TMEM184C: variants seen among roughly 807,000 people sequenced by gnomAD.
TMEM184C encodes transmembrane protein 184C, also known as transmembrane protein 34.
In TMEM184C, 25 loss-of-function variants were observed where a neutral mutation model predicts 54.5. That is an observed-to-expected ratio of 0.46 (90% CI 0.33 to 0.64). The LOEUF (loss-of-function observed/expected upper bound fraction) is 0.64. TMEM184C is among the 30% of genes least tolerant of loss of function. The pLI is 0.02. For synonymous variants in TMEM184C, 148 were observed against 181.5 expected (o/e 0.82, Z 1.49); for missense variants, 335 against 520.3 (o/e 0.64, Z 3.46).
intron 3 of TMEM184C, 82 bp from the exon 4 acceptor site, chr4:147,624,722 G>A (rs1732780523): frequency 3.8e-6 from 5 of 1,322,044 alleles, no homozygotes; most frequent in Non-Finnish European, 4.2e-6. Context: ...ATAAAAATTA[G>A]CTTATTGTGA....
intron 4 of TMEM184C, 53 bp from the exon 5 acceptor site, chr4:147,628,308 T>A (rs1346877142): frequency 7.0e-7 from 1 of 1,427,822 alleles, no homozygotes. Context: ...TTGGGGAAAA[T>A]CTGATGCTAT....
rs371759985 is a variant in TMEM184C at position 147,634,235 on chromosome 4, C to A, written c.1118C>A (p.Thr373Lys). The A allele has an allele frequency of 6.2e-7, 1 of 1,614,090 alleles. No homozygotes were observed. Among genetic ancestry groups the A allele is most frequent in the South Asian group, 1.1e-5 (1 of 91,080 alleles). ...GAGGATCAAGATCAAAATGAACATA[C>A]AAGTTTATTATCATCATCATCACAA... ...FPEDQDQNEH[T>K]SLLSSSSQDA... The change falls in exon 10 of 10, where the codon ACA becomes AAA. Residue 373 changes from threonine (T) to lysine (K), a missense_variant. Thr to Lys is a moderately conservative substitution (Grantham distance 78). Coordinates refer to ENST00000296582, the MANE Select transcript of TMEM184C (RefSeq NM_018241.3).
chr4:147,626,026 A>T (rs1387038230), intron 4 of TMEM184C, among the ~76,000 whole-genome samples: 2 of 152,064 alleles, frequency 1.3e-5, no homozygotes, highest in Non-Finnish European at 2.9e-5. Flanking sequence ...ATACTGAGTC[A>T]GTTCCTGGGT....
Position 147,634,192 on chromosome 4 carries a change from A to G in TMEM184C, c.1075A>G (p.Arg359Gly), listed in dbSNP as rs1224810079. 1.2e-6 allele frequency: 2 copies of G among 1,613,902 alleles called. No homozygotes were observed. Among genetic ancestry groups the G allele is most frequent in the East Asian group, 4.5e-5 (2 of 44,868 alleles). ...AGGACGGACAGTCAGGGGACATCCCAGGAAAAAATTGTTTCCCGAGGATCA... is the reference window on the plus strand; with the variant it reads ...AGGACGGACAGTCAGGGGACATCCCGGGAAAAAATTGTTTCCCGAGGATCA... ...HVGRTVRGHP[R>G]KKLFPEDQDQ... Residue 359 changes from arginine (R) to glycine (G), a missense_variant, in exon 10 of 10, where the codon AGG (arginine) becomes GGG (glycine). Coordinates refer to ENST00000296582, the MANE Select transcript of TMEM184C (RefSeq NM_018241.3).
rs1183591825 is a variant in TMEM184C at position 147,635,230 on chromosome 4, A to C, written c.*796A>C. 2.0e-5 allele frequency: 3 copies of C among 152,176 alleles called. No homozygotes were observed. Among genetic ancestry groups the C allele is most frequent in the Non-Finnish European group, 4.4e-5 (3 of 68,024 alleles). The allele number at this position is 152,176 out of a possible 1,614,324, so 9.4% of individuals were successfully genotyped here. A position where few individuals can be genotyped will look rare whatever the true frequency, so the allele number is the denominator to read the frequency against. Reference sequence around the variant, plus strand: ...TAAGAATTTATCATTTATTTTCTGCAACTTTTTTATGTCTCATTCTTTAAA... The same window carrying C: ...TAAGAATTTATCATTTATTTTCTGCCACTTTTTTATGTCTCATTCTTTAAA... On this transcript the variant is annotated 3_prime_UTR_variant, in exon 10 of 10. Coordinates refer to ENST00000296582, the MANE Select transcript of TMEM184C (RefSeq NM_018241.3).
At chr4:147,632,553 T>C (rs1251292700) in intron 7 of TMEM184C, 2 of 185,384 alleles carry the variant, frequency 1.1e-5, no homozygotes, top group African/African-American at 4.7e-5. Flanking sequence ...AGGTTGTTCC[T>C]AATTTTTTTA....
chr4:147,635,870 A>AAATT lies in TMEM184C; in HGVS notation c.*1439_*1442dup, dbSNP rs1198899136. The AAATT allele has an allele frequency of 3.3e-5, 5 of 152,162 alleles. No individual in the cohort carries two copies. Among genetic ancestry groups the AAATT allele is most frequent in the Non-Finnish European group, 4.4e-5 (3 of 68,018 alleles). The allele number at this position is 152,162 out of a possible 1,614,324, so 9.4% of individuals were successfully genotyped here. ...TAATGAAAATAATGACCTAACTGAA[A>AAATT]AATTAAGATGCCATTTATGATAGCA... On this transcript the variant is annotated 3_prime_UTR_variant, in exon 10 of 10. Coordinates refer to ENST00000296582, the MANE Select transcript of TMEM184C (RefSeq NM_018241.3).
At position 147,634,651 on chromosome 4, in the gene TMEM184C, G is replaced by A; in HGVS notation, c.*217G>A. The A allele has an allele frequency of 1.9e-6, 1 of 516,882 alleles. No homozygotes were observed. Among genetic ancestry groups the A allele is most frequent in the South Asian group, 3.0e-5 (1 of 32,860 alleles). The allele number at this position is 516,882 out of a possible 1,614,324, so 32.0% of individuals were successfully genotyped here. ...TTAGACTTGATTTCTTAACATTAGG[G>A]TATCGCATACTCAAATGGTAGACAA... On this transcript the variant is annotated 3_prime_UTR_variant, in exon 10 of 10. Transcript: ENST00000296582.
At chr4:147,627,528 CCACAGTGCTGGG>C (rs1732836920) in intron 4 of TMEM184C, among the ~76,000 whole-genome samples, 4 of 152,196 alleles carry the variant, frequency 2.6e-5, no homozygotes, top group African/African-American at 9.7e-5. Flanking sequence ...CCTCGGCCTC[CCACAGTGCTGGG>C]ATTACAGGCG....
At chr4:147,629,848 T>C (rs988154924) in intron 6 of TMEM184C, among the ~76,000 whole-genome samples, 156 bp downstream of exon 6, 11 of 151,516 alleles carry the variant, frequency 7.3e-5, no homozygotes, top group African/African-American at 2.7e-4. Context: ...TTGAAAAAAA[T>C]TTAATATATA....
At chr4:147,630,774 T>TTGCATTTTATA (rs976490469) in intron 6 of TMEM184C, among the ~76,000 whole-genome samples, 6 of 152,034 alleles carry the variant, frequency 3.9e-5, no homozygotes, top group African/African-American at 1.4e-4. Context: ...TACTTTGAAT[T>TTGCATTTTATA]TGCATTTTAT....
At chr4:147,625,571 G>T (rs971419126) in intron 4 of TMEM184C, among the ~76,000 whole-genome samples, 4 of 152,170 alleles carry the variant, frequency 2.6e-5, no homozygotes, top group Non-Finnish European at 5.9e-5. Context: ...CAGTGTTTTA[G>T]AAAGATTAAT....
At chr4:147,630,557 C>T (rs904954897) in intron 6 of TMEM184C, among the ~76,000 whole-genome samples, 3 of 152,002 alleles carry the variant, frequency 2.0e-5, no homozygotes, top group East Asian at 3.8e-4. Flanking sequence ...GTGGTCTTTC[C>T]ATTGGCCAAA....
chr4:147,631,552 A>G (rs1732917944), intron 7 of TMEM184C, 47 bp downstream of exon 7: 1 of 1,402,078 alleles, frequency 7.1e-7, no homozygotes, highest in Non-Finnish European at 1.0e-6. Context: ...TAAGGGCAGT[A>G]AAAACCGTTG....
At chr4:147,630,569 T>C (rs1732899327) in intron 6 of TMEM184C, among the ~76,000 whole-genome samples, 1 of 152,078 alleles carries the variant, frequency 6.6e-6, no homozygotes, top group African/African-American at 2.4e-5. Context: ...TTGGCCAAAA[T>C]ATTAGGCAGT....
At chr4:147,629,481 C>A in intron 5 of TMEM184C, 118 bp from the exon 6 acceptor site, 1 of 683,032 alleles carries the variant, frequency 1.5e-6, no homozygotes, top group Non-Finnish European at 2.4e-6. Flanking sequence ...TGTCCAAAGT[C>A]AAGTGATTGT....
chr4:147,625,686 G>A (rs1207709267), intron 4 of TMEM184C, among the ~76,000 whole-genome samples: 1 of 152,122 alleles, frequency 6.6e-6, no homozygotes, highest in East Asian at 1.9e-4. Context: ...CTGAAAAGGG[G>A]GATGAGATTG....
chr4:147,624,956 T>C lies in TMEM184C; in HGVS notation c.444T>C (p.Asp148=). 7 of 1,613,966 alleles carry C rather than the reference T, an allele frequency of 4.3e-6. No homozygotes were observed. The highest frequency in any genetic ancestry group is 5.9e-6 in the Non-Finnish European group (7 of 1,179,880). Reference sequence around the variant, plus strand: ...TGGTATTAATCCTTGAAGCCAAAGATCAACAGAAACATTTCCCTCCTTTAT... The same window carrying C: ...TGGTATTAATCCTTGAAGCCAAAGACCAACAGAAACATTTCCCTCCTTTAT... The part of the protein sequence containing the change: ...PNLVLILEAK[D]QQKHFPPLCC... Residue 148 remains aspartate, a synonymous_variant, in exon 4 of 10, where the codon GAT becomes GAC. Coordinates refer to ENST00000296582, the MANE Select transcript of TMEM184C (RefSeq NM_018241.3).
intron 1 of TMEM184C, among the ~76,000 whole-genome samples, chr4:147,619,415 C>G (rs1374012537): frequency 6.6e-6 from 1 of 151,990 alleles, no homozygotes; most frequent in Non-Finnish European, 1.5e-5. Context: ...CCAGGCTGGT[C>G]TCAACTCCTG....
Sources: allele counts gnomAD v4.1 joint callset (sites outside exome capture counted in the v4.1 genomes callset), GRCh38; gene constraint gnomAD v4.1.1; transcripts MANE v1.5; gene names NCBI Gene and HGNC (gene_info 2026-07-23, HGNC 2026-07-21).